PDE9A: variants seen among roughly 807,000 people sequenced by gnomAD.
PDE9A encodes the protein phosphodiesterase 9A.
In PDE9A, 60 loss-of-function variants were observed where a neutral mutation model predicts 87.4. The observed-to-expected ratio is 0.69, with a 90% CI of 0.56 to 0.85. PDE9A has a LOEUF of 0.85. Ranked by LOEUF, PDE9A falls within the 40% of genes least tolerant of loss-of-function variation. The pLI, the probability that PDE9A is intolerant of heterozygous loss-of-function variation, is 0.00. For missense variants in PDE9A, 665 were observed against 779.0 expected, an observed-to-expected ratio of 0.85 and a Z score of 1.74; for synonymous variants, 272 against 279.4, an observed-to-expected ratio of 0.97 and a Z score of 0.27.
intron 19 of PDE9A, among the ~76,000 whole-genome samples, chr21:42,774,993 G>A (rs1284327462): frequency 6.6e-6 from 1 of 150,884 alleles, no homozygotes; most frequent in Non-Finnish European, 1.5e-5. Flanking sequence ...CCAGGCTGGA[G>A]TGCAGTGGTG....
At position 42,772,521 on chromosome 21, in the gene PDE9A, G is replaced by T; in HGVS notation, c.1768+1G>T. On this transcript the variant is annotated splice_donor_variant, in intron 19 of 19. Coordinates refer to ENST00000291539, the MANE Select transcript of PDE9A (RefSeq NM_002606.3). LOFTEE classifies it high-confidence loss of function. ...AGCAGAGATGTGAAAAACAGTGAAG[G>T]TAATGCTTGCTCTGCTGAAGTGGCA... The T allele has an allele frequency of 6.3e-7, 1 of 1,592,954 alleles. No individual in the cohort carries two copies. The highest frequency in any genetic ancestry group is 1.1e-5 in the South Asian group (1 of 87,752).
At chr21:42,747,184 T>G (rs2146943004) in intron 8 of PDE9A, among the ~76,000 whole-genome samples, 1 of 152,312 alleles carries the variant, frequency 6.6e-6, no homozygotes, top group East Asian at 1.9e-4. Context: ...GTGTTGTCCC[T>G]TTTGTCTTTG....
intron 4 of PDE9A, chr21:42,700,662 G>A (rs1212284074): frequency 1.3e-5 from 2 of 152,144 alleles, no homozygotes; most frequent in Non-Finnish European, 2.9e-5. Context: ...AAACACAGGA[G>A]AGAAAAACCG....
intron 3 of PDE9A, chr21:42,689,510 A>G: frequency 1.0e-6 from 1 of 984,740 alleles, no homozygotes; most frequent in Non-Finnish European, 1.2e-6. Context: ...CAAGACTAAA[A>G]TGATCTCTCA....
chr21:42,714,618 T>C (rs1413761896), intron 4 of PDE9A, among the ~76,000 whole-genome samples: 2 of 150,078 alleles, frequency 1.3e-5, no homozygotes, highest in African/African-American at 4.9e-5. Context: ...CCAGTCTTTG[T>C]TGATATGGTT....
At chr21:42,715,724 G>A (rs908687622) in intron 4 of PDE9A, among the ~76,000 whole-genome samples, 2 of 151,610 alleles carry the variant, frequency 1.3e-5, no homozygotes, top group African/African-American at 4.8e-5. Flanking sequence ...TCACTCTCAG[G>A]GCTGTACATT....
rs1273262403 is a variant in PDE9A at position 42,760,196 on chromosome 21, A to G, written c.898-132A>G. On this transcript the variant is annotated intron_variant, in intron 11 of 19. Coordinates refer to ENST00000291539, the MANE Select transcript of PDE9A (RefSeq NM_002606.3). The surrounding 1 kb of genome is among the most constrained non-coding windows in gnomAD (Gnocchi z 5.2). ...TTGGTACCTGTGGTAAACCTGGAAC[A>G]CTGTTGACCTCTGGTTGGGATGAGG... is the stretch of plus-strand genomic sequence containing the variant. 9.3e-6 allele frequency: 6 copies of G among 645,018 alleles called. No individual in the cohort carries two copies. The highest frequency in any genetic ancestry group is 1.4e-5 in the Non-Finnish European group (5 of 352,326). 40.0% of individuals were successfully genotyped at this position (645,018 alleles called of 1,614,324 possible). A position where few individuals can be genotyped will look rare whatever the true frequency, so the allele number is the denominator to read the frequency against.
intron 10 of PDE9A, chr21:42,757,639 C>T (rs923594610): frequency 2.0e-5 from 3 of 152,202 alleles, no homozygotes; most frequent in African/African-American, 7.2e-5. Flanking sequence ...TGGTCTGGGA[C>T]CTTCTTGCTG....
chr21:42,705,411 C>T lies in PDE9A; in HGVS notation c.262+6400C>T, dbSNP rs1047555077. 6.6e-6 allele frequency among the ~76,000 whole-genome samples: 1 copy of T among 152,116 alleles called. No individual in the cohort carries two copies. The highest frequency in any genetic ancestry group is 1.5e-5 in the Non-Finnish European group (1 of 68,004). On this transcript the variant is annotated intron_variant, in intron 4 of 19. Transcript: ENST00000291539. This position sits in a 1 kb window ranked among gnomAD's most constrained non-coding sequence, Gnocchi z 4.3. ...ATAAAACACAGATCTCAGCTGATGG[C>T]GGTTGACGGGTGTCCCCCGAGTGCC... is the stretch of plus-strand genomic sequence containing the variant.
At chr21:42,677,285 G>C (rs1230083384) in intron 1 of PDE9A, among the ~76,000 whole-genome samples, 1 of 152,252 alleles carries the variant, frequency 6.6e-6, no homozygotes, top group Non-Finnish European at 1.5e-5. Context: ...GCCGATGTAA[G>C]CGATAACAGC....
chr21:42,716,266 G>C (rs900861984), intron 4 of PDE9A, among the ~76,000 whole-genome samples: 14 of 151,742 alleles, frequency 9.2e-5, no homozygotes, highest in Non-Finnish European at 2.9e-5. Context: ...ACAATTGCTG[G>C]ATCTTTTGGT....
At position 42,660,906 on chromosome 21, in the gene PDE9A, C is replaced by T. The variant is rs955414814; in HGVS notation, c.69+7023C>T. 3.9e-5 allele frequency among the ~76,000 whole-genome samples: 6 copies of T among 152,138 alleles called. No individual in the cohort carries two copies. The highest frequency in any genetic ancestry group is 1.9e-4 in the East Asian group (1 of 5,196). ...ACCCTGACCACATCTCCCCAAATCC[C>T]GAAGCTGGTCACGCAACGGGAGCAT... On this transcript the variant is annotated intron_variant, in intron 1 of 19. Coordinates refer to ENST00000291539, the MANE Select transcript of PDE9A (RefSeq NM_002606.3). The surrounding 1 kb of genome is among the most constrained non-coding windows in gnomAD (Gnocchi z 4.7).
chr21:42,768,142 C>T (rs531240264), intron 15 of PDE9A, 46 bp from the exon 16 acceptor site: 38 of 1,118,952 alleles, frequency 3.4e-5, no homozygotes, highest in East Asian at 4.7e-5. Flanking sequence ...GCAGCAGGCC[C>T]GTGTTCTACC....
chr21:42,664,001 C>T (rs916882040), intron 1 of PDE9A, among the ~76,000 whole-genome samples: 1 of 152,182 alleles, frequency 6.6e-6, no homozygotes, highest in Admixed American at 6.5e-5. Flanking sequence ...GTGAGTCCAC[C>T]ATGTGTCCTC....
intron 1 of PDE9A, among the ~76,000 whole-genome samples, chr21:42,678,305 A>G (rs887227812): frequency 6.6e-6 from 1 of 152,250 alleles, no homozygotes. Flanking sequence ...CTCAGCAGCC[A>G]TTGCCAGCCA....
At position 42,693,677 on chromosome 21, in the gene PDE9A, C is replaced by T. The variant is rs760735901; in HGVS notation, c.219-5291C>T. On this transcript the variant is annotated intron_variant, in intron 3 of 19. Coordinates refer to ENST00000291539, the MANE Select transcript of PDE9A (RefSeq NM_002606.3). ...GTGTGATCTCAGCTCACTGCAACCT[C>T]TGCCTCCCAGGTTCCAGGGATTCTC... 4.7e-5 allele frequency among the ~76,000 whole-genome samples: 7 copies of T among 150,006 alleles called. No homozygotes were observed. The Admixed American group carries it at 4.7e-4, about 10-fold the overall frequency.
intron 4 of PDE9A, chr21:42,724,586 G>C (rs1036287895): frequency 1.0e-6 from 1 of 985,310 alleles, no homozygotes; most frequent in Non-Finnish European, 1.2e-6. Context: ...ATTATCTAAA[G>C]AGGCGGTTCC....
chr21:42,758,833 T>C (rs1271194039), intron 10 of PDE9A, 166 bp from the exon 11 acceptor site: 2 of 585,770 alleles, frequency 3.4e-6, no homozygotes, highest in African/African-American at 1.9e-5. Flanking sequence ...TCTCTTCCCA[T>C]GTCTGCCGAC....
intron 3 of PDE9A, chr21:42,689,496 C>T (rs1004257269): frequency 2.0e-6 from 2 of 978,738 alleles, no homozygotes; most frequent in Non-Finnish European, 2.4e-6. Flanking sequence ...CCTCCTGACA[C>T]CCACAAGACT....
Sources: allele counts gnomAD v4.1 joint callset (sites outside exome capture counted in the v4.1 genomes callset), GRCh38; gene constraint gnomAD v4.1.1; non-coding constraint Gnocchi (gnomAD v3.1); transcripts MANE v1.5; gene names NCBI Gene and HGNC (gene_info 2026-07-23, HGNC 2026-07-21).